The following CYRIA variants were observed in gnomAD, a reference collection of about 807,000 sequenced individuals.
CYRIA encodes CYFIP-related Rac1 interactor A.
In CYRIA, 15 loss-of-function variants were observed where a neutral mutation model predicts 43.9. The ratio of observed to expected loss-of-function variants is 0.34; its 90% CI spans 0.23 to 0.53. The LOEUF is 0.53. Ranked by LOEUF, CYRIA falls within the 20% of genes least tolerant of loss-of-function variation. The pLI is 0.94. For synonymous variants in CYRIA, 117 were observed against 136.0 expected (o/e 0.86, Z 0.97); for missense variants, 236 against 394.2 (o/e 0.60, Z 3.40).
At chr2:16,573,627 G>A (rs997958131) in intron 3 of CYRIA, among the ~76,000 whole-genome samples, 1 of 152,154 alleles carries the variant, frequency 6.6e-6, no homozygotes, top group Non-Finnish European at 1.5e-5. Context: ...ATCGAATCAT[G>A]GGAGCAAGTC....
chr2:16,649,574 ATACAGTACAGTGGATGGTTG>A (rs1341216481), intron 1 of CYRIA, among the ~76,000 whole-genome samples: 2 of 151,722 alleles, frequency 1.3e-5, no homozygotes, highest in Non-Finnish European at 2.9e-5. Flanking sequence ...GGGCATGTTT[ATACAGTACAGTGGATGGTTG>A]TACAGTACAG....
intron 2 of CYRIA, among the ~76,000 whole-genome samples, chr2:16,607,166 A>T (rs1336659496): frequency 1.3e-5 from 2 of 152,104 alleles, no homozygotes; most frequent in Non-Finnish European, 1.5e-5. Flanking sequence ...CGTACTCATC[A>T]TTGCAAACAA....
Position 16,661,013 on chromosome 2 carries a change from G to A in CYRIA, c.-167+4767C>T, listed in dbSNP as rs528073822. 9.8e-5 allele frequency among the ~76,000 whole-genome samples: 15 copies of A among 152,312 alleles called. No homozygotes were observed. The South Asian group carries it at 2.5e-3, about 25-fold the overall frequency. Reference sequence around the variant, plus strand: ...ACCTCCAGCTTCCTAGGTGATAGCTGTACTGACAGACTGAATCCCAGCACT... The same window carrying A: ...ACCTCCAGCTTCCTAGGTGATAGCTATACTGACAGACTGAATCCCAGCACT... On this transcript the variant is annotated intron_variant, in intron 1 of 11. Coordinates refer to ENST00000381323, the MANE Select transcript of CYRIA (RefSeq NM_030797.4).
intron 4 of CYRIA, among the ~76,000 whole-genome samples, chr2:16,564,663 T>C (rs1179187201): frequency 6.6e-6 from 1 of 152,092 alleles, no homozygotes; most frequent in East Asian, 1.9e-4. Context: ...ACTGTGTGCA[T>C]GTGTGCGTAT....
chr2:16,573,876 C>A (rs761251801), intron 3 of CYRIA, among the ~76,000 whole-genome samples: 1 of 152,050 alleles, frequency 6.6e-6, no homozygotes, highest in Non-Finnish European at 1.5e-5. Flanking sequence ...ATCAGTAGCT[C>A]GTGAAAATGA....
At chr2:16,609,366 G>A (rs1457758941) in intron 2 of CYRIA, among the ~76,000 whole-genome samples, 1 of 152,172 alleles carries the variant, frequency 6.6e-6, no homozygotes, top group Admixed American at 6.5e-5. Flanking sequence ...TGAAAAGTCT[G>A]ACATTAAATA....
At chr2:16,563,141 T>C (rs1409829398) in intron 5 of CYRIA, among the ~76,000 whole-genome samples, 1 of 152,152 alleles carries the variant, frequency 6.6e-6, no homozygotes, top group African/African-American at 2.4e-5. Flanking sequence ...TGAGCAAAAA[T>C]TTGGCTCCTC....
intron 1 of CYRIA, among the ~76,000 whole-genome samples, chr2:16,639,765 T>TC (rs1669616730): frequency 6.6e-6 from 1 of 152,180 alleles, no homozygotes; most frequent in African/African-American, 2.4e-5. Flanking sequence ...GGAAATGATA[T>TC]CCCTTGATAT....
intron 2 of CYRIA, among the ~76,000 whole-genome samples, chr2:16,602,295 C>G (rs1193253988): frequency 2.0e-5 from 3 of 152,098 alleles, no homozygotes; most frequent in African/African-American, 7.2e-5. Context: ...GGTGCAAAGA[C>G]TTGAAGAAAT....
rs1218445207 is a variant in CYRIA, at chr2:16,593,724, T to G, written c.-10-5595A>C. 3.9e-4 allele frequency among the ~76,000 whole-genome samples: 55 copies of G among 139,688 alleles called. 1 individual carries two copies. Among genetic ancestry groups the G allele is most frequent in the African/African-American group, 1.4e-3 (52 of 36,700 alleles). 91.6% of individuals were successfully genotyped at this position (139,688 alleles called of 152,430 possible). On this transcript the variant is annotated intron_variant, in intron 2 of 11. Coordinates refer to ENST00000381323, the MANE Select transcript of CYRIA (RefSeq NM_030797.4). Reference sequence around the variant, plus strand: ...TTTTTTTTTGTGTGTGTGTGTTTTTTTTTTTTTTTTTTTTATTATACTCTA... The same window carrying G: ...TTTTTTTTTGTGTGTGTGTGTTTTTGTTTTTTTTTTTTTTATTATACTCTA...
chr2:16,570,867 A>T (rs991597273), intron 3 of CYRIA, among the ~76,000 whole-genome samples: 2 of 152,194 alleles, frequency 1.3e-5, no homozygotes, highest in Admixed American at 1.3e-4. Flanking sequence ...TCTAAGAACC[A>T]TATTCTAAGC....
At position 16,555,143 on chromosome 2, in the gene CYRIA, G is replaced by A; in HGVS notation, c.838-4C>T. 6.2e-7 allele frequency: 1 copy of A among 1,611,340 alleles called. No homozygotes were observed. On this transcript the variant is annotated splice_polypyrimidine_tract_variant and splice_region_variant and intron_variant, in intron 10 of 11. Transcript: ENST00000381323. The stretch of plus-strand genomic sequence containing the variant: ...AAACTTTTATGCAGCCTTTCATCTA[G>A]GAGGAGAAAGCACAATGTTTGTTAA...
intron 3 of CYRIA, among the ~76,000 whole-genome samples, chr2:16,576,897 G>A (rs1667370739): frequency 1.3e-5 from 2 of 152,114 alleles, no homozygotes; most frequent in Admixed American, 1.3e-4. Context: ...ATTATGCTAA[G>A]CAAAATAAAC....
intron 9 of CYRIA, among the ~76,000 whole-genome samples, chr2:16,559,904 G>A (rs565116694): frequency 1.2e-3 from 190 of 152,182 alleles, no homozygotes; most frequent in Non-Finnish European, 3.4e-4. Flanking sequence ...GGTCCCTCTG[G>A]CTGTCCAAGA....
chr2:16,642,791 G>C (rs1285166844), intron 1 of CYRIA, among the ~76,000 whole-genome samples: 1 of 152,070 alleles, frequency 6.6e-6, no homozygotes, highest in African/African-American at 2.4e-5. Flanking sequence ...ATATATGTGT[G>C]CTCACTCCTT....
In CYRIA at chr2:16,617,322, C is replaced by T. The variant is rs559684158; in HGVS notation, c.-11+6542G>A. 3.9e-5 allele frequency among the ~76,000 whole-genome samples: 6 copies of T among 152,318 alleles called. No homozygotes were observed. In the East Asian group the frequency reaches 9.7e-4, roughly 25 times the overall value. ...TGCCAGTGTGCACCTGGCCCCAACC[C>T]CCGGACTCTGCCTACTACCGGGTCA... On this transcript the variant is annotated intron_variant, in intron 2 of 11. Transcript: ENST00000381323.
At chr2:16,606,753 GC>G (rs1297941985) in intron 2 of CYRIA, among the ~76,000 whole-genome samples, 1 of 152,090 alleles carries the variant, frequency 6.6e-6, no homozygotes, top group Non-Finnish European at 1.5e-5. Flanking sequence ...AAAAGGCCCT[GC>G]AGAATTCGAT....
Position 16,660,879 on chromosome 2 carries a change from A to G in CYRIA, c.-167+4901T>C, listed in dbSNP as rs1204502393. On this transcript the variant is annotated intron_variant, in intron 1 of 11. Transcript: ENST00000381323. ...CACACTGCTGGGAAACATGGCACCC[A>G]TTCTCAGCACCTGGATTCGTGGGGG... Among the ~76,000 whole-genome samples the G allele has an allele frequency of 4.6e-5, 7 of 152,208 alleles. No homozygotes were observed. In the East Asian group the frequency reaches 1.3e-3, roughly 29 times the overall value.
At chr2:16,555,884 A>G (rs1486322092) in intron 10 of CYRIA, among the ~76,000 whole-genome samples, 2 of 152,156 alleles carry the variant, frequency 1.3e-5, no homozygotes, top group Non-Finnish European at 2.9e-5. Context: ...CACAGATGCT[A>G]AATGCCTGAG....
Sources: gnomAD v4.1 joint callset for allele counts (sites outside exome capture counted in the v4.1 genomes callset) on GRCh38, gnomAD v4.1.1 for gene constraint, MANE v1.5 for transcripts, NCBI Gene and HGNC (gene_info 2026-07-23, HGNC 2026-07-21) for gene names.